The following KLHL41 variants were observed in gnomAD, a reference collection of about 807,000 sequenced individuals.
KLHL41 encodes kelch-like protein 41.
Under a neutral mutation model 49.2 loss-of-function variants are expected in KLHL41, and 31 were observed. The ratio of observed to expected loss-of-function variants is 0.63; its 90% CI spans 0.47 to 0.85. The LOEUF (loss-of-function observed/expected upper bound fraction) is 0.85, where lower values mean the gene tolerates loss of function less well. Among genes scored for constraint, KLHL41 ranks in the 40% least tolerant of loss-of-function variants. KLHL41 has a pLI of 0.00. For synonymous variants in KLHL41, 218 were observed against 258.5 expected, an observed-to-expected ratio of 0.84 and a Z score of 1.50; for missense variants, 663 against 726.7, an observed-to-expected ratio of 0.91 and a Z score of 1.01.
intron 5 of KLHL41, among the ~76,000 whole-genome samples, chr2:169,521,278 T>C (rs944699022): frequency 1.3e-5 from 2 of 152,262 alleles, no homozygotes; most frequent in African/African-American, 2.4e-5. Flanking sequence ...ACTCTCAGTT[T>C]CATTCCAGCT....
At chr2:169,521,108 G>T in intron 5 of KLHL41, 101 bp downstream of exon 5, 2 of 1,092,342 alleles carry the variant, frequency 1.8e-6, no homozygotes, top group Non-Finnish European at 2.7e-6. Flanking sequence ...CAACATGCAA[G>T]CTACTTCTTG....
chr2:169,524,542 C>T (rs866136012), intron 5 of KLHL41, among the ~76,000 whole-genome samples: 25 of 150,670 alleles, frequency 1.7e-4, no homozygotes, highest in East Asian at 1.6e-3. Context: ...GGATTACAGA[C>T]GCACACTACC....
rs1559129113 is a variant in KLHL41, at chr2:169,509,785, T to A, written c.7T>A (p.Ser3Thr). MD[S>T]QRELAEELRL... ...TACCCAGGTTTCTCACAGAATGGAT[T>A]CCCAGCGGGAACTTGCAGAGGAACT... Residue 3 changes from serine to threonine, a missense_variant, in exon 1 of 6, where the codon TCC becomes ACC. By Grantham distance (58) the Ser-to-Thr change is moderately conservative. Transcript: ENST00000284669. 1.2e-6 allele frequency: 2 copies of A among 1,609,026 alleles called. No individual in the cohort carries two copies. Among genetic ancestry groups the A allele is most frequent in the African/African-American group, 2.7e-5 (2 of 74,846 alleles).
At chr2:169,523,385 G>A (rs1684231729) in intron 5 of KLHL41, among the ~76,000 whole-genome samples, 1 of 152,116 alleles carries the variant, frequency 6.6e-6, no homozygotes, top group Non-Finnish European at 1.5e-5. Context: ...GTATGGCCTG[G>A]GCTTTGGAAA....
In KLHL41 at chr2:169,512,868, T is replaced by A. The variant is rs966739489; in HGVS notation, c.1111-1706T>A. On this transcript the variant is annotated intron_variant, in intron 1 of 5. Coordinates refer to ENST00000284669, the MANE Select transcript of KLHL41 (RefSeq NM_006063.3). ...CCTTTGATTGTATGCTGTAAATAGA[T>A]TATGAGAATTTTTTACCTTGGTAAG... 2.6e-5 allele frequency among the ~76,000 whole-genome samples: 4 copies of A among 152,048 alleles called. No individual in the cohort carries two copies. In the East Asian group the frequency reaches 5.8e-4, roughly 22 times the overall value.
At chr2:169,517,156 C>T (rs1006833454) in intron 3 of KLHL41, among the ~76,000 whole-genome samples, 9 of 152,210 alleles carry the variant, frequency 5.9e-5, no homozygotes, top group African/African-American at 2.2e-4. Flanking sequence ...AATGCTTCTA[C>T]TCCAGATAAC....
At position 169,521,442 on chromosome 2, in the gene KLHL41, G is replaced by A. The variant is rs544308039; in HGVS notation, c.1709+435G>A. On this transcript the variant is annotated intron_variant, in intron 5 of 5. Coordinates refer to ENST00000284669, the MANE Select transcript of KLHL41 (RefSeq NM_006063.3). The stretch of plus-strand genomic sequence containing the variant: ...AGACAGAGTTTCTGTCACCCAGGCT[G>A]GAGTACAATGGCGGGATCTCAGCTC... Among the ~76,000 whole-genome samples the A allele has an allele frequency of 2.8e-4, 43 of 152,308 alleles. No homozygotes were observed. The Middle Eastern group carries it at 0.01, about 36-fold the overall frequency.
intron 5 of KLHL41, 61 bp downstream of exon 5, chr2:169,521,068 T>C: frequency 6.6e-7 from 1 of 1,513,748 alleles, no homozygotes; most frequent in Non-Finnish European, 9.1e-7. Context: ...TGATAAACTA[T>C]TTTGTAGTAA....
intron 4 of KLHL41, among the ~76,000 whole-genome samples, chr2:169,520,178 GT>G (rs1684176888): frequency 6.9e-6 from 1 of 145,618 alleles, no homozygotes; most frequent in South Asian, 2.2e-4. Context: ...GTGTGTGTGT[GT>G]GTGTGTGTGT....
rs1574356115 is a variant in KLHL41 at position 169,526,157 on chromosome 2, A to G, written c.*461A>G. On this transcript the variant is annotated 3_prime_UTR_variant, in exon 6 of 6. Transcript: ENST00000284669. ...TGCATTATACTAAGAATTACATGCC[A>G]TAAGATGACTTCAGAAATCCTACTT... is the stretch of plus-strand genomic sequence containing the variant. 6.6e-6 allele frequency: 1 copy of G among 151,928 alleles called. No individual in the cohort carries two copies. Among genetic ancestry groups the G allele is most frequent in the South Asian group, 2.1e-4 (1 of 4,834 alleles). The allele number at this position is 151,928 out of a possible 1,614,324, so 9.4% of individuals were successfully genotyped here.
At position 169,510,012 on chromosome 2, in the gene KLHL41, T is replaced by G; in HGVS notation, c.234T>G (p.Asn78Lys). Reference sequence around the variant, plus strand: ...AAAAAAAGGAGGTAGTGCTAGACAATGTGGATCCTGCTATACTTGATTTAA... The same window carrying G: ...AAAAAAAGGAGGTAGTGCTAGACAAGGTGGATCCTGCTATACTTGATTTAA... ...EAKKKEVVLD[N>K]VDPAILDLII... is the part of the protein sequence containing the mutation. Residue 78 changes from asparagine (N) to lysine (K), a missense_variant, in exon 1 of 6, where the codon AAT becomes AAG. Physicochemically the swap from Asn to Lys is moderately conservative, Grantham distance 94. Around this residue, in one of 3 missense-constraint regions of KLHL41, gnomAD observed 129 missense variants for 122.1 expected, o/e 1.06. Transcript: ENST00000284669. This position sits in a 1 kb window ranked among gnomAD's most constrained non-coding sequence, Gnocchi z 4.2. The G allele has an allele frequency of 6.2e-7, 1 of 1,614,208 alleles. No individual in the cohort carries two copies. Among genetic ancestry groups the G allele is most frequent in the Non-Finnish European group, 8.5e-7 (1 of 1,180,032 alleles).
intron 1 of KLHL41, among the ~76,000 whole-genome samples, chr2:169,513,580 T>A (rs1378504928): frequency 6.6e-6 from 1 of 152,220 alleles, no homozygotes; most frequent in Non-Finnish European, 1.5e-5. Flanking sequence ...CTGAGGTTAC[T>A]AGACCACATA....
In KLHL41 at chr2:169,510,961, T is replaced by C; in HGVS notation, c.1110+73T>C. ...ACTCACCATCCAGTTAGCCAATTTG[T>C]GAATTATTCAAGCTGCTTGCATTTT... On this transcript the variant is annotated intron_variant, in intron 1 of 5. Transcript: ENST00000284669. This position sits in a 1 kb window ranked among gnomAD's most constrained non-coding sequence, Gnocchi z 4.2. 1.5e-6 allele frequency: 2 copies of C among 1,301,534 alleles called. No homozygotes were observed. Among genetic ancestry groups the C allele is most frequent in the Non-Finnish European group, 1.1e-6 (1 of 930,264 alleles). The allele number at this position is 1,301,534 out of a possible 1,614,324, so 80.6% of individuals were successfully genotyped here. A position where few individuals can be genotyped will look rare whatever the true frequency, so the allele number is the denominator to read the frequency against.
At chr2:169,520,259 G>T in intron 4 of KLHL41, among the ~76,000 whole-genome samples, 1 of 120,910 alleles carries the variant, frequency 8.3e-6, no homozygotes, top group Non-Finnish European at 1.7e-5. Flanking sequence ...TTGGGCTCAA[G>T]CTATCCTCCT....
chr2:169,511,436 T>C (rs1684028455), intron 1 of KLHL41, among the ~76,000 whole-genome samples: 1 of 152,216 alleles, frequency 6.6e-6, no homozygotes, highest in Admixed American at 6.5e-5. Context: ...ATCAAAGTTC[T>C]TATCCATTAT....
Position 169,510,230 on chromosome 2 carries a change from C to G in KLHL41, c.452C>G (p.Ala151Gly). 6.2e-7 allele frequency: 1 copy of G among 1,613,988 alleles called. No individual in the cohort carries two copies. ...LGLLLDCPRLAISAREFVSDR... is the reference protein window; with the variant it reads ...LGLLLDCPRLGISAREFVSDR... ...CTTCTTCTTGACTGCCCGAGACTCG[C>G]CATTTCTGCCCGTGAATTTGTGTCT... is the stretch of plus-strand genomic sequence containing the variant. The change falls in exon 1 of 6, where the codon GCC (alanine) becomes GGC (glycine). Residue 151 changes from alanine (A) to glycine (G), a missense_variant. Ala to Gly is a moderately conservative substitution (Grantham distance 60). This residue lies in a region of KLHL41 where 528 missense variants were observed against 581.0 expected (regional missense o/e 0.91). Coordinates refer to ENST00000284669, the MANE Select transcript of KLHL41 (RefSeq NM_006063.3). This position sits in a 1 kb window ranked among gnomAD's most constrained non-coding sequence, Gnocchi z 4.2.
chr2:169,512,064 A>G (rs546515361), intron 1 of KLHL41, among the ~76,000 whole-genome samples: 23 of 152,336 alleles, frequency 1.5e-4, no homozygotes, highest in South Asian at 2.1e-4. Context: ...CAAGTATACA[A>G]TGTCATACCA....
At chr2:169,524,840 T>C (rs1301483842) in intron 5 of KLHL41, among the ~76,000 whole-genome samples, 1 of 151,866 alleles carries the variant, frequency 6.6e-6, no homozygotes, top group Non-Finnish European at 1.5e-5. Context: ...TAATACCATA[T>C]AAAGGATGAT....
chr2:169,510,839 A>G lies in KLHL41; in HGVS notation c.1061A>G (p.Tyr354Cys). 6.2e-7 allele frequency: 1 copy of G among 1,613,906 alleles called. No homozygotes were observed. Reference protein sequence around the residue: ...QNQIYVVGGLYVDEENKDQPL... With the variant: ...QNQIYVVGGLCVDEENKDQPL... ...CAGATATATGTGGTAGGAGGACTAT[A>G]TGTGGATGAAGAAAATAAGGATCAA... Residue 354 changes from tyrosine to cysteine, a missense_variant, in exon 1 of 6, where the codon TAT (tyrosine) becomes TGT (cysteine). Tyr to Cys is a radical substitution (Grantham distance 194). Around this residue, in one of 3 missense-constraint regions of KLHL41, gnomAD observed 528 missense variants for 581.0 expected, o/e 0.91. Coordinates refer to ENST00000284669, the MANE Select transcript of KLHL41 (RefSeq NM_006063.3). This position sits in a 1 kb window ranked among gnomAD's most constrained non-coding sequence, Gnocchi z 4.2.
Sources: allele counts gnomAD v4.1 joint callset (sites outside exome capture counted in the v4.1 genomes callset), GRCh38; gene constraint gnomAD v4.1.1; regional missense constraint gnomAD v4.1.1; non-coding constraint Gnocchi (gnomAD v3.1); transcripts MANE v1.5; gene names NCBI Gene and HGNC (gene_info 2026-07-23, HGNC 2026-07-21).